IL17RD: variants seen among roughly 807,000 people sequenced by gnomAD.
The protein encoded by IL17RD is interleukin-17 receptor D.
A neutral mutation model predicts 80.5 loss-of-function variants in IL17RD; 52 were observed. The observed-to-expected ratio is 0.65, with a 90% CI of 0.52 to 0.81. IL17RD has a LOEUF of 0.81. IL17RD is among the 40% of genes least tolerant of loss of function. IL17RD has a pLI of 0.00. For synonymous variants in IL17RD, 416 were observed against 391.8 expected (o/e 1.06, Z -0.73); for missense variants, 1,024 against 955.1 (o/e 1.07, Z -0.95).
In IL17RD at chr3:57,114,770, C is replaced by T. The variant is rs755736483; in HGVS notation, c.232G>A (p.Ala78Thr). 36 of 1,611,612 alleles carry T rather than the reference C, an allele frequency of 2.2e-5. No individual in the cohort carries two copies. Among genetic ancestry groups the T allele is most frequent in the East Asian group, 6.7e-5 (3 of 44,778 alleles). ...TACTGGCTGATGGTGATATTCTGGG[C>T]GTCAGCAATCACATGCTTCCCCACT... ...NPVGKHVIAD[A>T]QNITISQYAC... Residue 78 changes from alanine to threonine, a missense_variant, in exon 3 of 13, where the codon GCC becomes ACC. Physicochemically the swap from Ala to Thr is moderately conservative, Grantham distance 58 (BLOSUM62 0). Transcript: ENST00000296318.
chr3:57,097,424 ATG>A lies in IL17RD; in HGVS notation c.2107+170_2107+171del. 4.8e-6 allele frequency: 3 copies of A among 621,406 alleles called. 1 individual carries two copies. In the South Asian group the frequency reaches 5.8e-5, roughly 12 times the overall value. The allele number at this position is 621,406 out of a possible 1,614,324, so 38.5% of individuals were successfully genotyped here. A position where few individuals can be genotyped will look rare whatever the true frequency, so the allele number is the denominator to read the frequency against. Reference sequence around the variant, plus strand: ...GCATTAGTATTTCTGCAACTCAAACATGTGAGTACTCCCATCACCTGGTATAA... The same window carrying A: ...GCATTAGTATTTCTGCAACTCAAACATGAGTACTCCCATCACCTGGTATAA... On this transcript the variant is annotated intron_variant, in intron 12 of 12. Transcript: ENST00000296318.
chr3:57,155,810 T>C (rs1054530390), intron 1 of IL17RD, among the ~76,000 whole-genome samples: 4 of 152,132 alleles, frequency 2.6e-5, no homozygotes, highest in Non-Finnish European at 5.9e-5. Flanking sequence ...AGGCTGGTCT[T>C]GAACTCCTGA....
Position 57,098,001 on chromosome 3 carries a change from G to C in IL17RD, c.1702C>G (p.His568Asp). 2 of 1,614,034 alleles carry C rather than the reference G, an allele frequency of 1.2e-6. No individual in the cohort carries two copies. The highest frequency in any genetic ancestry group is 1.7e-6 in the Non-Finnish European group (2 of 1,179,882). The change falls in exon 12 of 13, where the codon CAT (histidine) becomes GAT (aspartate). Residue 568 changes from histidine to aspartate, a missense_variant. By Grantham distance (81) the His-to-Asp change is moderately conservative (BLOSUM62 -1). Coordinates refer to ENST00000296318, the MANE Select transcript of IL17RD (RefSeq NM_017563.5). ...DWFEKQFVPF[H>D]PPPLRYREPV... ...TCCCGGTAGCGCAGTGGAGGAGGATGGAAGGGAACGAACTGCTTTTCGAAC... is the reference window on the plus strand; with the variant it reads ...TCCCGGTAGCGCAGTGGAGGAGGATCGAAGGGAACGAACTGCTTTTCGAAC...
Position 57,092,629 on chromosome 3 carries a change from TGA to T in IL17RD, c.*3762_*3763del. ...AAATTGTTCCCAGCATTTTTTAAAT[TGA>T]GAGAGCATAAATCTGATTCTGAAAT... is the stretch of plus-strand genomic sequence containing the variant. On this transcript the variant is annotated 3_prime_UTR_variant, in exon 13 of 13. Transcript: ENST00000296318. 2 of 152,250 alleles carry T rather than the reference TGA, an allele frequency of 1.3e-5. No homozygotes were observed. Among genetic ancestry groups the T allele is most frequent in the Middle Eastern group, 3.4e-3 (1 of 294 alleles). 9.4% of individuals were successfully genotyped at this position (152,250 alleles called of 1,614,324 possible). A position where few individuals can be genotyped will look rare whatever the true frequency, so the allele number is the denominator to read the frequency against.
chr3:57,100,300 C>A (rs1299426837), intron 11 of IL17RD, among the ~76,000 whole-genome samples: 3 of 152,184 alleles, frequency 2.0e-5, no homozygotes, highest in Admixed American at 6.5e-5. Context: ...AGGGGGCAGC[C>A]TCACCACATG....
chr3:57,102,390 G>A (rs1706852843), intron 10 of IL17RD, 89 bp downstream of exon 10: 4 of 572,716 alleles, frequency 7.0e-6, no homozygotes, highest in South Asian at 5.2e-5. Context: ...CCATCCTGGA[G>A]GACCCAGGTA....
chr3:57,156,899 C>A (rs1010390051), intron 1 of IL17RD, among the ~76,000 whole-genome samples: 2 of 152,190 alleles, frequency 1.3e-5, no homozygotes, highest in African/African-American at 4.8e-5. Context: ...TTGGTAAGAC[C>A]TGTCTTCTTC....
intron 10 of IL17RD, 72 bp downstream of exon 10, chr3:57,102,407 G>A: frequency 1.4e-6 from 1 of 740,178 alleles, no homozygotes; most frequent in Non-Finnish European, 2.1e-6. Flanking sequence ...GGTACTCCCA[G>A]TCTCTCTTTC....
At chr3:57,126,622 A>G (rs1257305314) in intron 1 of IL17RD, among the ~76,000 whole-genome samples, 3 of 152,216 alleles carry the variant, frequency 2.0e-5, no homozygotes, top group African/African-American at 7.2e-5. Flanking sequence ...TTCCCAGAGC[A>G]ACATTTCCAA....
At chr3:57,127,455 G>C (rs1297917414) in intron 1 of IL17RD, among the ~76,000 whole-genome samples, 2 of 143,984 alleles carry the variant, frequency 1.4e-5, no homozygotes, top group African/African-American at 2.6e-5. Context: ...GCCCAGGCTG[G>C]AGTGCAATAG....
At chr3:57,156,266 C>G (rs1309178845) in intron 1 of IL17RD, among the ~76,000 whole-genome samples, 1 of 151,964 alleles carries the variant, frequency 6.6e-6, no homozygotes, top group South Asian at 2.1e-4. Context: ...ACTTCATTAT[C>G]CTATTTGTCT....
rs1706620138 is a variant in IL17RD at position 57,094,220 on chromosome 3, G to A, written c.*2173C>T. On this transcript the variant is annotated 3_prime_UTR_variant, in exon 13 of 13. Transcript: ENST00000296318. ...TAGCATACTGGGGAGAGTAGAAAAA[G>A]TGAAACTAATTAAACAAAACTAGGA... The A allele has an allele frequency of 6.6e-6, 1 of 152,162 alleles. No homozygotes were observed. Among genetic ancestry groups the A allele is most frequent in the African/African-American group, 2.4e-5 (1 of 41,432 alleles). 9.4% of individuals were successfully genotyped at this position (152,162 alleles called of 1,614,324 possible).
At chr3:57,105,748 C>A (rs1057254482) in intron 7 of IL17RD, 109 bp downstream of exon 7, 152 of 835,436 alleles carry the variant, frequency 1.8e-4, no homozygotes, top group Non-Finnish European at 4.7e-5. Context: ...ATCTACCAAC[C>A]ACTGAGAGCC....
chr3:57,151,633 C>T (rs191987580), intron 1 of IL17RD, among the ~76,000 whole-genome samples: 33 of 152,072 alleles, frequency 2.2e-4, no homozygotes, highest in Non-Finnish European at 4.1e-4. Flanking sequence ...TCAGTCTCAG[C>T]GCTATTTACA....
chr3:57,164,599 G>A (rs577106172), intron 1 of IL17RD, among the ~76,000 whole-genome samples: 72 of 152,316 alleles, frequency 4.7e-4, no homozygotes, highest in African/African-American at 1.6e-3. Flanking sequence ...AGGTCCCGGA[G>A]TCAGAGGAGG....
upstream of IL17RD, among the ~76,000 whole-genome samples, chr3:57,169,690 T>C (rs577006580): frequency 3.5e-4 from 53 of 152,286 alleles, no homozygotes; most frequent in Admixed American, 1.6e-3. Context: ...TTAGTGTATG[T>C]TTTCTGTATT....
Position 57,106,017 on chromosome 3 carries a change from A to C in IL17RD, c.596-9T>G. On this transcript the variant is annotated splice_polypyrimidine_tract_variant and intron_variant, in intron 6 of 12. Transcript: ENST00000296318. Reference sequence around the variant, plus strand: ...GTTCCGAGGCTTCCAGACTGGAAGAAGGTAGGACCCAGAGTGAGCAACCAG... The same window carrying C: ...GTTCCGAGGCTTCCAGACTGGAAGACGGTAGGACCCAGAGTGAGCAACCAG... 1.9e-6 allele frequency: 3 copies of C among 1,613,796 alleles called. 1 individual carries two copies. Among genetic ancestry groups the C allele is most frequent in the Middle Eastern group, 3.3e-4 (2 of 6,060 alleles).
At position 57,102,136 on chromosome 3, in the gene IL17RD, T is replaced by C. The variant is rs370430533; in HGVS notation, c.979+343A>G. ...TTTTAAAATTAGCCAGGCATGGTGG[T>C]GCATGCCTGTAGTCCCCAGCTACCT... On this transcript the variant is annotated intron_variant, in intron 10 of 12. Coordinates refer to ENST00000296318, the MANE Select transcript of IL17RD (RefSeq NM_017563.5). Among the ~76,000 whole-genome samples the C allele has an allele frequency of 4.9e-4, 74 of 152,204 alleles. No homozygotes were observed. The East Asian group carries it at 0.013, about 27-fold the overall frequency.
chr3:57,099,288 G>A (rs1294983336), intron 11 of IL17RD, among the ~76,000 whole-genome samples: 2 of 152,190 alleles, frequency 1.3e-5, no homozygotes, highest in Admixed American at 6.5e-5. Flanking sequence ...GCTGGTAATT[G>A]ACAAAGCTTT....
Sources: gnomAD v4.1 joint callset for allele counts (sites outside exome capture counted in the v4.1 genomes callset) on GRCh38, gnomAD v4.1.1 for gene constraint, MANE v1.5 for transcripts, NCBI Gene and HGNC (gene_info 2026-07-23, HGNC 2026-07-21) for gene names.